The following LRBA variants were observed in gnomAD, a reference collection of about 807,000 sequenced individuals.
LRBA encodes the protein lipopolysaccharide-responsive and beige-like anchor protein.
Under a neutral mutation model 330.0 loss-of-function variants are expected in LRBA, and 176 were observed. The observed-to-expected ratio is 0.53, with a 90% CI of 0.47 to 0.60. The LOEUF (loss-of-function observed/expected upper bound fraction) is 0.60. Among genes scored for constraint, LRBA ranks in the 20% least tolerant of loss-of-function variants. LRBA has a pLI of 0.00. For synonymous variants in LRBA, 1,230 were observed against 1,193.0 expected (o/e 1.03, Z -0.64); for missense variants, 3,259 against 3,444.8 (o/e 0.95, Z 1.35).
intron 2 of LRBA, among the ~76,000 whole-genome samples, chr4:150,994,590 T>C (rs1010300859): frequency 1.3e-5 from 2 of 152,096 alleles, no homozygotes; most frequent in Non-Finnish European, 2.9e-5. Flanking sequence ...GTTAATGCTA[T>C]GAAAATAAAG....
In LRBA at chr4:150,678,863, T is replaced by C. The variant is rs564415614; in HGVS notation, c.5921+4688A>G. Among the ~76,000 whole-genome samples the C allele has an allele frequency of 2.0e-4, 31 of 152,176 alleles. 1 individual carries two copies. The highest frequency in any genetic ancestry group is 1.6e-3 in the Admixed American group (24 of 15,266). Reference sequence around the variant, plus strand: ...TAAGAATGGGTGTATATTGCACTTATGAGTACCCATTTGCTTGATTATCCA... The same window carrying C: ...TAAGAATGGGTGTATATTGCACTTACGAGTACCCATTTGCTTGATTATCCA... On this transcript the variant is annotated intron_variant, in intron 37 of 56. Coordinates refer to ENST00000651943, the MANE Select transcript of LRBA (RefSeq NM_001364905.1).
intron 41 of LRBA, among the ~76,000 whole-genome samples, chr4:150,488,783 A>T (rs75325369): frequency 0.023 from 3,410 of 149,634 alleles, 53 homozygotes; most frequent in Middle Eastern, 0.038. Context: ...CAATGTTCCT[A>T]TAGTTTTTAA....
At chr4:150,902,595 C>T (rs561335216) in intron 13 of LRBA, among the ~76,000 whole-genome samples, 2 of 152,314 alleles carry the variant, frequency 1.3e-5, no homozygotes, top group South Asian at 4.1e-4. Context: ...CCAATGGAAA[C>T]CTCTAAAGGT....
At chr4:150,418,233 G>C (rs1193607924) in intron 46 of LRBA, among the ~76,000 whole-genome samples, 1 of 151,952 alleles carries the variant, frequency 6.6e-6, no homozygotes, top group Non-Finnish European at 1.5e-5. Flanking sequence ...GCCCAGGCTA[G>C]TCTCAAACTC....
intron 34 of LRBA, among the ~76,000 whole-genome samples, chr4:150,795,289 T>C (rs1460571852): frequency 6.6e-6 from 1 of 152,094 alleles, no homozygotes; most frequent in African/African-American, 2.4e-5. Flanking sequence ...TTCATATATA[T>C]TTAAAACAGG....
Position 150,840,997 on chromosome 4 carries a change from C to T in LRBA, c.4569+3103G>A, listed in dbSNP as rs890840475. ...TGCAATTCTTTGACATATTTGTGATCCGTGATCTGACAAAATCTATGATAT... is the reference window on the plus strand; with the variant it reads ...TGCAATTCTTTGACATATTTGTGATTCGTGATCTGACAAAATCTATGATAT... On this transcript the variant is annotated intron_variant, in intron 28 of 56. Transcript: ENST00000651943. 1.8e-5 allele frequency: 23 copies of T among 1,256,654 alleles called. No individual in the cohort carries two copies. The African/African-American group carries it at 3.1e-4, about 17-fold the overall frequency. 77.8% of individuals were successfully genotyped at this position (1,256,654 alleles called of 1,614,324 possible). A position where few individuals can be genotyped will look rare whatever the true frequency, so the allele number is the denominator to read the frequency against.
chr4:150,460,505 T>A (rs1754637495), intron 44 of LRBA, among the ~76,000 whole-genome samples: 1 of 151,880 alleles, frequency 6.6e-6, no homozygotes, highest in Non-Finnish European at 1.5e-5. Flanking sequence ...TGTAAACTGC[T>A]AGGTTAACAG....
rs70941442 is a variant in LRBA, at chr4:150,777,066, T to TTTGTTGTTGTTG, written c.5581-15231_5581-15220dup. ...TTTTAAAGTCAGTTTTTTGAGGGGT[T>TTTGTTGTTGTTG]TTGTTGTTGTTGTTGTTGTTGTTGT... On this transcript the variant is annotated intron_variant, in intron 34 of 56. Coordinates refer to ENST00000651943, the MANE Select transcript of LRBA (RefSeq NM_001364905.1). Among the ~76,000 whole-genome samples, 1,098 of 134,352 alleles carry TTTGTTGTTGTTG rather than the reference T, an allele frequency of 8.2e-3. 8 individuals are homozygous for TTTGTTGTTGTTG. The highest frequency in any genetic ancestry group is 0.022 in the Middle Eastern group (6 of 278). The allele number at this position is 134,352 out of a possible 152,430, so 88.1% of individuals were successfully genotyped here.
intron 2 of LRBA, among the ~76,000 whole-genome samples, chr4:150,944,926 T>A (rs1232593558): frequency 6.6e-6 from 1 of 152,200 alleles, no homozygotes; most frequent in Non-Finnish European, 1.5e-5. Context: ...AAAGGGCAGT[T>A]ACCCTGCACA....
At chr4:150,804,777 TATC>T (rs1415197480) in intron 33 of LRBA, among the ~76,000 whole-genome samples, 1 of 152,050 alleles carries the variant, frequency 6.6e-6, no homozygotes, top group African/African-American at 2.4e-5. Flanking sequence ...ATTAATTCTA[TATC>T]ATCATTTATA....
chr4:150,678,244 GAA>G (rs558047933), intron 37 of LRBA, among the ~76,000 whole-genome samples: 10 of 75,800 alleles, frequency 1.3e-4, no homozygotes, highest in Middle Eastern at 9.3e-3. Context: ...CTGTCTCCAA[GAA>G]AAAAAAAAAA....
chr4:150,336,274 T>C (rs1232463061), intron 48 of LRBA, among the ~76,000 whole-genome samples: 1 of 152,212 alleles, frequency 6.6e-6, no homozygotes, highest in African/African-American at 2.4e-5. Context: ...CTTAAATCTA[T>C]AGACCTTGCT....
At chr4:150,850,476 C>T (rs1193461762) in intron 24 of LRBA, among the ~76,000 whole-genome samples, 1 of 152,076 alleles carries the variant, frequency 6.6e-6, no homozygotes, top group Non-Finnish European at 1.5e-5. Context: ...CATAAAATTG[C>T]TACAGGAAAT....
chr4:150,308,273 A>G (rs1730614141), intron 52 of LRBA, among the ~76,000 whole-genome samples: 1 of 152,212 alleles, frequency 6.6e-6, no homozygotes, highest in African/African-American at 2.4e-5. Flanking sequence ...GTCCCATGAT[A>G]TTATAATGAA....
At chr4:150,805,446 G>GGGAAAGGGAAAGGAAAGGAAA (rs1742540083) in intron 33 of LRBA, among the ~76,000 whole-genome samples, 1 of 39,736 alleles carries the variant, frequency 2.5e-5, no homozygotes, top group Non-Finnish European at 4.7e-5. Flanking sequence ...AGGAAGGAAA[G>GGGAAAGGGAAAGGAAAGGAAA]GGAAAGGAAA....
chr4:150,893,287 T>C (rs1729668567), intron 16 of LRBA, 138 bp from the exon 17 acceptor site: 3 of 570,896 alleles, frequency 5.3e-6, no homozygotes, highest in Non-Finnish European at 9.5e-6. Flanking sequence ...TTTTAACAAA[T>C]TATGTTCTTT....
chr4:150,363,788 T>C (rs1739051553), intron 47 of LRBA, among the ~76,000 whole-genome samples: 1 of 152,218 alleles, frequency 6.6e-6, no homozygotes, highest in South Asian at 2.1e-4. Flanking sequence ...TACATGTCTG[T>C]TGAATGAATG....
At chr4:150,751,131 T>G (rs994364514) in intron 35 of LRBA, among the ~76,000 whole-genome samples, 1 of 152,126 alleles carries the variant, frequency 6.6e-6, no homozygotes, top group Non-Finnish European at 1.5e-5. Flanking sequence ...GTATCATAAA[T>G]TTAAGTTTGA....
At chr4:150,286,073 A>T (rs1415924421) in intron 53 of LRBA, 39 bp from the exon 54 acceptor site, 1 of 1,288,802 alleles carries the variant, frequency 7.8e-7, no homozygotes, top group African/African-American at 1.5e-5. Flanking sequence ...AATCAATTCA[A>T]TTTCATGCAT....
Sources: gnomAD v4.1 joint callset for allele counts (sites outside exome capture counted in the v4.1 genomes callset) on GRCh38, gnomAD v4.1.1 for gene constraint, MANE v1.5 for transcripts, NCBI Gene and HGNC (gene_info 2026-07-23, HGNC 2026-07-21) for gene names.